DNAH10: variants seen among roughly 807,000 people sequenced by gnomAD.
The protein encoded by DNAH10 is dynein axonemal heavy chain 10.
DNAH10 carries 348 observed loss-of-function variants against 506.6 expected under a neutral mutation model. The ratio of observed to expected loss-of-function variants is 0.69; its 90% confidence interval spans 0.63 to 0.75. The LOEUF is 0.75. Among genes scored for constraint, DNAH10 ranks in the 30% least tolerant of loss-of-function variants. The pLI is 0.00. For missense variants in DNAH10, 5,179 were observed against 5,787.1 expected, an observed-to-expected ratio of 0.89 and a Z score of 3.41; for synonymous variants, 2,059 against 2,198.6, an observed-to-expected ratio of 0.94 and a Z score of 1.78.
intron 14 of DNAH10, 23 bp downstream of exon 14, chr12:123,799,394 C>A (rs773467231): frequency 1.2e-6 from 2 of 1,603,118 alleles, no homozygotes; most frequent in African/African-American, 1.3e-5. Flanking sequence ...CGCCCTCATT[C>A]CCGATTGCCG....
chr12:123,796,853 T>C (rs754001106), intron 13 of DNAH10, 21 bp downstream of exon 13: 111 of 1,563,486 alleles, frequency 7.1e-5, no homozygotes, highest in Non-Finnish European at 9.3e-5. Context: ...CTTGCTAGAA[T>C]TGGCTCCTTT....
In DNAH10 at chr12:123,912,398, T is replaced by TG. The variant is rs1181761994; in HGVS notation, c.10135-692dup. 3.0e-4 allele frequency among the ~76,000 whole-genome samples: 11 copies of TG among 36,136 alleles called. No homozygotes were observed. The South Asian group carries it at 4.7e-3, about 15-fold the overall frequency. The allele number at this position is 36,136 out of a possible 152,430, so 23.7% of individuals were successfully genotyped here. On this transcript the variant is annotated intron_variant, in intron 59 of 78. Transcript: ENST00000673944. ...GGGTCTGTCCCGGGGGGGTCTGTCC[T>TG]GGGGGGGGTCTGTCCCGGGGGGGGT...
intron 28 of DNAH10, among the ~76,000 whole-genome samples, chr12:123,837,835 A>G (rs1389875145): frequency 6.6e-6 from 1 of 151,438 alleles, no homozygotes; most frequent in Non-Finnish European, 1.5e-5. Context: ...GTCTCAAACA[A>G]TCCTCCTAAT....
rs1226398551 is a variant in DNAH10, at chr12:123,926,761, C to T, written c.12046C>T (p.Arg4016Ter). The T allele has an allele frequency of 6.2e-6, 10 of 1,613,918 alleles. No individual in the cohort carries two copies. Among genetic ancestry groups the T allele is most frequent in the African/African-American group, 1.3e-5 (1 of 75,010 alleles). The change falls in exon 69 of 79, where the codon CGA becomes TGA. Residue 4016 changes from arginine (R) to a stop codon, truncating the protein, a stop_gained. Coordinates refer to ENST00000673944, the MANE Select transcript of DNAH10 (RefSeq NM_001372106.1). LOFTEE classifies it high-confidence loss of function. This position sits in a 1 kb window ranked among gnomAD's most constrained non-coding sequence, Gnocchi z 4.1. ...PATDLMKLAE[R>*]SGFGGNRLKF... ...CACTGATCTTATGAAATTAGCAGAG[C>T]GAAGTGGTTTTGGAGGAAATCGCCT...
chr12:123,891,028 A>G (rs906591725), intron 52 of DNAH10, among the ~76,000 whole-genome samples: 3 of 152,188 alleles, frequency 2.0e-5, no homozygotes, highest in Non-Finnish European at 2.9e-5. Context: ...TTAAAACAAT[A>G]GAAATCTACT....
At chr12:123,818,019 G>A (rs975532841) in intron 21 of DNAH10, among the ~76,000 whole-genome samples, 2 of 150,666 alleles carry the variant, frequency 1.3e-5, no homozygotes, top group East Asian at 3.9e-4. Context: ...CACAATCTTG[G>A]CTCACTGCAA....
intron 1 of DNAH10, among the ~76,000 whole-genome samples, chr12:123,764,365 T>A (rs1004063630): frequency 6.6e-6 from 1 of 152,152 alleles, no homozygotes; most frequent in Non-Finnish European, 1.5e-5. Flanking sequence ...GAACATTAGA[T>A]TATAACTGGA....
At chr12:123,810,045 A>G (rs752346281) in intron 19 of DNAH10, among the ~76,000 whole-genome samples, 4 of 151,974 alleles carry the variant, frequency 2.6e-5, no homozygotes, top group South Asian at 2.1e-4. Context: ...TTATTTATCT[A>G]TTGATCCTTT....
At chr12:123,933,072 C>T (rs1167470825) in intron 76 of DNAH10, among the ~76,000 whole-genome samples, 1 of 152,224 alleles carries the variant, frequency 6.6e-6, no homozygotes, top group African/African-American at 2.4e-5. Flanking sequence ...ATTTCCTACT[C>T]CACGATATGA....
At position 123,785,994 on chromosome 12, in the gene DNAH10, GA is replaced by G; in HGVS notation, c.1421+59del. 1 of 1,527,348 alleles carries G rather than the reference GA, an allele frequency of 6.5e-7. No individual in the cohort carries two copies. The allele number at this position is 1,527,348 out of a possible 1,614,324, so 94.6% of individuals were successfully genotyped here. On this transcript the variant is annotated intron_variant, in intron 9 of 78. Transcript: ENST00000673944. This position sits in a 1 kb window ranked among gnomAD's most constrained non-coding sequence, Gnocchi z 4.1. Reference sequence around the variant, plus strand: ...GTTTTGTTTCACTTTTTACTTTTTAGATCTTAAACAGCTCTATTGAGCTATA... The same window carrying G: ...GTTTTGTTTCACTTTTTACTTTTTAGTCTTAAACAGCTCTATTGAGCTATA...
At chr12:123,854,411 C>A (rs7134843) in intron 36 of DNAH10, among the ~76,000 whole-genome samples, 11,635 of 152,186 alleles carry the variant, frequency 0.076, 510 homozygotes, top group African/African-American at 0.12. Flanking sequence ...GCAGTCTCTC[C>A]TCCTAGGGCG....
At chr12:123,888,445 G>T (rs991803740) in intron 52 of DNAH10, among the ~76,000 whole-genome samples, 10 of 152,168 alleles carry the variant, frequency 6.6e-5, no homozygotes, top group Admixed American at 1.3e-4. Context: ...GATTTAGGGT[G>T]GGTCCTAAAT....
chr12:123,930,369 C>T (rs1472320820), intron 72 of DNAH10, 33 bp from the exon 73 acceptor site: 2 of 1,497,302 alleles, frequency 1.3e-6, no homozygotes, highest in East Asian at 4.9e-5. Context: ...AGGTTCTGAG[C>T]TCCTGGCTGG....
rs922210784 is a variant in DNAH10, at chr12:123,903,934, C to A, written c.9815+821C>A. Among the ~76,000 whole-genome samples, 4 of 152,216 alleles carry A rather than the reference C, an allele frequency of 2.6e-5. No homozygotes were observed. The highest frequency in any genetic ancestry group is 9.6e-5 in the African/African-American group (4 of 41,456). On this transcript the variant is annotated intron_variant, in intron 57 of 78. Coordinates refer to ENST00000673944, the MANE Select transcript of DNAH10 (RefSeq NM_001372106.1). This position sits in a 1 kb window ranked among gnomAD's most constrained non-coding sequence, Gnocchi z 4.6. Reference sequence around the variant, plus strand: ...TTCCTGGCCCCACACACGGGTCTCGCAGCCGAGAGGCTCCGTTCCTGGGTC... The same window carrying A: ...TTCCTGGCCCCACACACGGGTCTCGAAGCCGAGAGGCTCCGTTCCTGGGTC...
intron 48 of DNAH10, among the ~76,000 whole-genome samples, chr12:123,878,503 A>C (rs1952359168): frequency 6.6e-6 from 1 of 152,220 alleles, no homozygotes. Flanking sequence ...AGGGGCGGTC[A>C]GGAGAGGGCA....
At position 123,826,791 on chromosome 12, in the gene DNAH10, G is replaced by T. The variant is rs766095596; in HGVS notation, c.4284G>T (p.Arg1428=). The T allele has an allele frequency of 3.7e-6, 6 of 1,613,870 alleles. No individual in the cohort carries two copies. The change falls in exon 25 of 79, where the codon CGG becomes CGT. Residue 1428 remains arginine, a synonymous_variant. Transcript: ENST00000673944. The part of the protein sequence containing the change: ...GFLRALRKLP[R]PVRGLSVTYY... Reference sequence around the variant, plus strand: ...TCAGGGCTCTCAGAAAGCTACCTCGGCCAGTCCGTGGCTTATCAGTGACCT... The same window carrying T: ...TCAGGGCTCTCAGAAAGCTACCTCGTCCAGTCCGTGGCTTATCAGTGACCT...
intron 48 of DNAH10, among the ~76,000 whole-genome samples, chr12:123,878,574 T>C (rs981888154): frequency 1.5e-4 from 23 of 152,116 alleles, no homozygotes; most frequent in African/African-American, 4.6e-4. Context: ...AGTTCTGGAA[T>C]TGGGGCCAGA....
intron 39 of DNAH10, among the ~76,000 whole-genome samples, chr12:123,862,755 T>C (rs1460958354): frequency 6.6e-6 from 1 of 152,202 alleles, no homozygotes; most frequent in Non-Finnish European, 1.5e-5. Context: ...GAAATTTGAA[T>C]GTGGACTATA....
rs902189766 is a variant in DNAH10, at chr12:123,850,197, C to T, written c.6103-691C>T. On this transcript the variant is annotated intron_variant, in intron 34 of 78. Transcript: ENST00000673944. This position sits in a 1 kb window ranked among gnomAD's most constrained non-coding sequence, Gnocchi z 5.5. Reference sequence around the variant, plus strand: ...CCTCCTAACAACAAAAATTTTCTGTCCTCTGCCTGGCTGGTGGACAATCAA... The same window carrying T: ...CCTCCTAACAACAAAAATTTTCTGTTCTCTGCCTGGCTGGTGGACAATCAA... Among the ~76,000 whole-genome samples the T allele has an allele frequency of 3.3e-5, 5 of 151,898 alleles. No homozygotes were observed. Among genetic ancestry groups the T allele is most frequent in the African/African-American group, 4.8e-5 (2 of 41,312 alleles).
Sources: allele counts gnomAD v4.1 joint callset (sites outside exome capture counted in the v4.1 genomes callset), GRCh38; gene constraint gnomAD v4.1.1; non-coding constraint Gnocchi (gnomAD v3.1); transcripts MANE v1.5; gene names NCBI Gene and HGNC (gene_info 2026-07-23, HGNC 2026-07-21).